FARS2: variants seen among roughly 807,000 people sequenced by gnomAD.
FARS2 encodes phenylalanyl-tRNA synthetase 2, mitochondrial, also known as phenylalanine--tRNA ligase, mitochondrial.
Under a neutral mutation model 46.4 loss-of-function variants are expected in FARS2, and 40 were observed. The observed-to-expected ratio is 0.86, with a 90% CI of 0.67 to 1.12. FARS2 has a LOEUF of 1.12. Among genes scored for constraint, FARS2 ranks in the 50% most tolerant of loss-of-function variants. The pLI, the probability that FARS2 is intolerant of heterozygous loss-of-function variation, is 0.00. For missense variants in FARS2, 513 were observed against 567.9 expected (o/e 0.90, Z 0.98); for synonymous variants, 234 against 214.9 (o/e 1.09, Z -0.78).
chr6:5,253,960 A>T, the FARS2 span, among the ~76,000 whole-genome samples: 1 of 152,202 alleles, frequency 6.6e-6, no homozygotes, highest in Non-Finnish European at 1.5e-5. Context: ...GGTGATGACC[A>T]GCTCAGTGGC....
At chr6:5,332,823 G>A (rs1016572687) in intron 1 of FARS2, among the ~76,000 whole-genome samples, 2 of 152,186 alleles carry the variant, frequency 1.3e-5, no homozygotes, top group African/African-American at 4.8e-5. Flanking sequence ...GCTTTCATGG[G>A]AGGGTCATTA....
rs114118972 is a variant in FARS2, at chr6:5,650,120, A to G, written c.1217+36800A>G. Among the ~76,000 whole-genome samples the G allele has an allele frequency of 4.8e-3, 725 of 152,202 alleles. 10 individuals carry two copies. Among genetic ancestry groups the G allele is most frequent in the African/African-American group, 0.017 (700 of 41,504 alleles). ...CGAGCCTGGGGTTTTAAAAGAATTCACGGAGCAAAAGTGCAGGGGCATTCA... is the reference window on the plus strand; with the variant it reads ...CGAGCCTGGGGTTTTAAAAGAATTCGCGGAGCAAAAGTGCAGGGGCATTCA... On this transcript the variant is annotated intron_variant, in intron 6 of 6. Transcript: ENST00000274680.
chr6:5,593,170 C>G (rs746302405), intron 5 of FARS2, among the ~76,000 whole-genome samples: 1 of 152,142 alleles, frequency 6.6e-6, no homozygotes, highest in South Asian at 2.1e-4. Context: ...GTGGACAGAA[C>G]AGACAGGATC....
intron 5 of FARS2, among the ~76,000 whole-genome samples, chr6:5,548,609 G>A (rs1217982403): frequency 6.6e-6 from 1 of 152,158 alleles, no homozygotes; most frequent in Non-Finnish European, 1.5e-5. Context: ...ACATCGTGTA[G>A]AATGGTGTGC....
Position 5,343,684 on chromosome 6 carries a change from C to T in FARS2, c.-21-24866C>T, listed in dbSNP as rs150129665. On this transcript the variant is annotated intron_variant, in intron 1 of 6. Coordinates refer to ENST00000274680, the MANE Select transcript of FARS2 (RefSeq NM_006567.5). The surrounding 1 kb of genome is among the most constrained non-coding windows in gnomAD (Gnocchi z 4.5). ...TTTATCACCTTTAACAGGAATGTGT[C>T]GTGACTGAAAGTGGAGGATGAGCTG... Among the ~76,000 whole-genome samples, 526 of 152,258 alleles carry T rather than the reference C, an allele frequency of 3.5e-3. 14 individuals carry two copies. Among genetic ancestry groups the T allele is most frequent in the Admixed American group, 0.026 (402 of 15,298 alleles).
rs1039628085 is a variant in FARS2 at position 5,614,454 on chromosome 6, G to GGCTGGAGT, written c.1217+1137_1217+1144dup. 2.7e-5 allele frequency among the ~76,000 whole-genome samples: 4 copies of GGCTGGAGT among 149,362 alleles called. 1 individual carries two copies. The highest frequency in any genetic ancestry group is 1.0e-4 in the African/African-American group (4 of 39,798). ...AGACGGAGTCTCGCTCTGTCGCCCA[G>GGCTGGAGT]GCTGGAGTGCAGTGATGCGATCTCG... On this transcript the variant is annotated intron_variant, in intron 6 of 6. Coordinates refer to ENST00000274680, the MANE Select transcript of FARS2 (RefSeq NM_006567.5).
At chr6:5,679,679 C>A (rs1361790018) in intron 6 of FARS2, among the ~76,000 whole-genome samples, 1 of 152,148 alleles carries the variant, frequency 6.6e-6, no homozygotes, top group Non-Finnish European at 1.5e-5. Flanking sequence ...ATCAGTGATT[C>A]ATCACCATAA....
intron 1 of FARS2, among the ~76,000 whole-genome samples, chr6:5,368,131 C>A (rs961803572): frequency 1.3e-5 from 2 of 152,098 alleles, no homozygotes; most frequent in Non-Finnish European, 2.9e-5. Flanking sequence ...TCATTTGCTT[C>A]CTTTATTAGT....
At chr6:5,506,196 A>T (rs2150392137) in intron 4 of FARS2, among the ~76,000 whole-genome samples, 1 of 152,328 alleles carries the variant, frequency 6.6e-6, no homozygotes, top group South Asian at 2.1e-4. Flanking sequence ...AAGGTCTTTT[A>T]GTAGATCAGC....
chr6:5,395,412 A>G (rs183885522), intron 2 of FARS2, among the ~76,000 whole-genome samples: 25 of 152,296 alleles, frequency 1.6e-4, no homozygotes, highest in African/African-American at 6.0e-4. Flanking sequence ...AAACTAGATC[A>G]GGTAACAGAA....
At chr6:5,674,224 A>T (rs1321935854) in intron 6 of FARS2, among the ~76,000 whole-genome samples, 1 of 151,192 alleles carries the variant, frequency 6.6e-6, no homozygotes, top group African/African-American at 2.4e-5. Flanking sequence ...AGGAAAGAAA[A>T]AGAAACAGTA....
intron 6 of FARS2, among the ~76,000 whole-genome samples, chr6:5,714,099 G>A (rs113804341): frequency 2.2e-4 from 34 of 152,140 alleles, no homozygotes; most frequent in African/African-American, 7.0e-4. Flanking sequence ...CGCGTGTGTC[G>A]AGCTTTGCTT....
At chr6:5,746,710 T>C (rs9504505) in intron 6 of FARS2, among the ~76,000 whole-genome samples, 50,850 of 151,732 alleles carry the variant, frequency 0.34, 13,027 homozygotes, top group African/African-American at 0.71. Context: ...CTTATTCATC[T>C]TTGTCGCCCC....
At chr6:5,369,763 T>C (rs1364022871) in intron 2 of FARS2, among the ~76,000 whole-genome samples, 1 of 152,154 alleles carries the variant, frequency 6.6e-6, no homozygotes, top group Non-Finnish European at 1.5e-5. Context: ...TTGAAGCATG[T>C]GTTAGGATGA....
chr6:5,723,106 G>C (rs929849612), intron 6 of FARS2, among the ~76,000 whole-genome samples: 1 of 151,972 alleles, frequency 6.6e-6, no homozygotes, highest in Non-Finnish European at 1.5e-5. Context: ...GGGGTGAGTG[G>C]GGTTTTGTGG....
intron 6 of FARS2, among the ~76,000 whole-genome samples, chr6:5,621,249 GCTAA>G (rs1195028021): frequency 1.3e-5 from 2 of 151,566 alleles, no homozygotes; most frequent in South Asian, 4.2e-4. Flanking sequence ...ACCACACTTG[GCTAA>G]CTTTTTTTTT....
rs17851782 is a variant in FARS2, at chr6:5,369,176, G to A, written c.606G>A (p.Lys202=). The A allele has an allele frequency of 1.7e-3, 2,804 of 1,605,564 alleles. 4 individuals carry two copies. Among genetic ancestry groups the A allele is most frequent in the Non-Finnish European group, 2.2e-3 (2,562 of 1,179,692 alleles). Residue 202 remains lysine (K), a synonymous_variant, in exon 2 of 7, where the codon AAG becomes AAA. Coordinates refer to ENST00000274680, the MANE Select transcript of FARS2 (RefSeq NM_006567.5). ...HQLEAVRLFS[K]HELFAGIKDG... is the part of the protein sequence containing the mutation. Reference sequence around the variant, plus strand: ...TGGAGGCCGTGCGGCTCTTCTCCAAGCATGAGGTGAGTCTTGAGATGTTTC... The same window carrying A: ...TGGAGGCCGTGCGGCTCTTCTCCAAACATGAGGTGAGTCTTGAGATGTTTC...
At chr6:5,350,951 A>G (rs983749707) in intron 1 of FARS2, among the ~76,000 whole-genome samples, 2 of 152,224 alleles carry the variant, frequency 1.3e-5, no homozygotes, top group African/African-American at 4.8e-5. Flanking sequence ...AGTCATTTAC[A>G]TACTCATCAT....
At chr6:5,633,972 A>G (rs1041270108) in intron 6 of FARS2, among the ~76,000 whole-genome samples, 2 of 152,218 alleles carry the variant, frequency 1.3e-5, no homozygotes, top group Non-Finnish European at 1.5e-5. Context: ...ATCCTTCATC[A>G]TATGTGGGGC....
Sources: gnomAD v4.1 joint callset for allele counts (sites outside exome capture counted in the v4.1 genomes callset) on GRCh38, gnomAD v4.1.1 for gene constraint, Gnocchi (gnomAD v3.1) non-coding constraint, MANE v1.5 for transcripts, NCBI Gene and HGNC (gene_info 2026-07-23, HGNC 2026-07-21) for gene names.